PPP1R9A: variants seen among roughly 807,000 people sequenced by gnomAD.
PPP1R9A encodes protein phosphatase 1 regulatory subunit 9A.
A neutral mutation model predicts 141.9 loss-of-function variants in PPP1R9A; 59 were observed. That is an observed-to-expected ratio of 0.42 (90% CI 0.34 to 0.52). The LOEUF (loss-of-function observed/expected upper bound fraction) is 0.52. PPP1R9A is among the 20% of genes least tolerant of loss of function. The pLI is 0.10. For missense variants in PPP1R9A, 1,444 were observed against 1,611.9 expected, an observed-to-expected ratio of 0.90 and a Z score of 1.78; for synonymous variants, 500 against 569.7, an observed-to-expected ratio of 0.88 and a Z score of 1.74.
At chr7:95,220,499 AG>A (rs1794265344) in intron 7 of PPP1R9A, among the ~76,000 whole-genome samples, 1 of 152,124 alleles carries the variant, frequency 6.6e-6, no homozygotes, top group African/African-American at 2.4e-5. Context: ...AGGGTCATTT[AG>A]GCCCCAGCTG....
At chr7:95,054,463 G>T (rs73218115) in intron 2 of PPP1R9A, among the ~76,000 whole-genome samples, 1,565 of 152,088 alleles carry the variant, frequency 0.01, 18 homozygotes, top group Non-Finnish European at 0.015. Context: ...ACCGTACATT[G>T]TCTGGAACTA....
At chr7:95,020,883 A>G (rs927044475) in intron 2 of PPP1R9A, among the ~76,000 whole-genome samples, 1 of 152,174 alleles carries the variant, frequency 6.6e-6, no homozygotes, top group Non-Finnish European at 1.5e-5. Context: ...ATTGCTGGGC[A>G]TTTGGGTTGG....
At chr7:95,227,620 T>C (rs1795324812) in intron 8 of PPP1R9A, among the ~76,000 whole-genome samples, 1 of 152,168 alleles carries the variant, frequency 6.6e-6, no homozygotes, top group African/African-American at 2.4e-5. Flanking sequence ...ACAGCAAAGT[T>C]GAGTAGTTGC....
chr7:95,240,106 G>A (rs2152985268), intron 8 of PPP1R9A, among the ~76,000 whole-genome samples: 1 of 151,994 alleles, frequency 6.6e-6, no homozygotes, highest in African/African-American at 2.4e-5. Context: ...AGTATTTGTG[G>A]AGGATATAGT....
At chr7:95,057,670 C>G (rs1171991076) in intron 2 of PPP1R9A, among the ~76,000 whole-genome samples, 1 of 152,120 alleles carries the variant, frequency 6.6e-6, no homozygotes, top group Non-Finnish European at 1.5e-5. Context: ...AAATTCCTCT[C>G]AGATCTCATT....
chr7:94,972,547 G>A (rs1169381424), intron 2 of PPP1R9A, among the ~76,000 whole-genome samples: 5 of 152,068 alleles, frequency 3.3e-5, no homozygotes, highest in Admixed American at 3.3e-4. Context: ...AAGTAGCTAA[G>A]CATTATCCCG....
At chr7:95,182,716 A>G (rs1034632165) in intron 5 of PPP1R9A, among the ~76,000 whole-genome samples, 10 of 152,210 alleles carry the variant, frequency 6.6e-5, no homozygotes, top group African/African-American at 2.4e-4. Context: ...CGCTTGCCCT[A>G]AGATGAGAGA....
chr7:95,025,890 C>T (rs570680498), intron 2 of PPP1R9A, among the ~76,000 whole-genome samples: 1 of 152,220 alleles, frequency 6.6e-6, no homozygotes, highest in African/African-American at 2.4e-5. Flanking sequence ...GTGTATAATT[C>T]ACGAAGTTCT....
rs781600474 is a variant in PPP1R9A at position 95,273,917 on chromosome 7, A to G, written c.3143A>G (p.Lys1048Arg). 1.1e-5 allele frequency: 17 copies of G among 1,503,800 alleles called. No individual in the cohort carries two copies. The East Asian group carries it at 1.6e-4, about 14-fold the overall frequency. The allele number at this position is 1,503,800 out of a possible 1,614,324, so 93.2% of individuals were successfully genotyped here. ...LREKDDAKDP[K>R]SLRASSSLAV... ...ATCCTAGATGATGCCAAAGATCCCAAATCACTAAGGGCATCCAGTTCATTG... is the reference window on the plus strand; with the variant it reads ...ATCCTAGATGATGCCAAAGATCCCAGATCACTAAGGGCATCCAGTTCATTG... The change falls in exon 15 of 20, where the codon AAA becomes AGA. Residue 1048 changes from lysine to arginine, a missense_variant. Around this residue, in one of 5 missense-constraint regions of PPP1R9A, gnomAD observed 459 missense variants for 513.8 expected, o/e 0.89. Transcript: ENST00000433360.
chr7:95,292,187 T>C lies in PPP1R9A; in HGVS notation c.*1884T>C, dbSNP rs1458384818. ...ATGATAATGAAACTGCCGTATTGGA[T>C]ACTCTATTAATGTCTTGAGATGTCT... On this transcript the variant is annotated 3_prime_UTR_variant, in exon 20 of 20. Transcript: ENST00000433360. 6.6e-6 allele frequency: 1 copy of C among 152,284 alleles called. No homozygotes were observed. Among genetic ancestry groups the C allele is most frequent in the Non-Finnish European group, 1.5e-5 (1 of 68,034 alleles). The allele number at this position is 152,284 out of a possible 1,614,324, so 9.4% of individuals were successfully genotyped here.
intron 2 of PPP1R9A, among the ~76,000 whole-genome samples, chr7:95,064,507 A>G (rs1812689078): frequency 6.6e-6 from 1 of 152,238 alleles, no homozygotes; most frequent in African/African-American, 2.4e-5. Flanking sequence ...AAAGTATGGC[A>G]CTAAGTGGAG....
At chr7:94,916,877 C>T (rs554073984) in intron 2 of PPP1R9A, among the ~76,000 whole-genome samples, 62 of 152,178 alleles carry the variant, frequency 4.1e-4, no homozygotes, top group Middle Eastern at 6.8e-3. Context: ...TGCAGTGGCA[C>T]GATCTCAGCT....
At chr7:94,947,452 G>GTC (rs1162805240) in intron 2 of PPP1R9A, among the ~76,000 whole-genome samples, 7 of 152,154 alleles carry the variant, frequency 4.6e-5, no homozygotes, top group Admixed American at 2.6e-4. Context: ...GAGCAGAGCC[G>GTC]TATGTGGCAT....
intron 2 of PPP1R9A, among the ~76,000 whole-genome samples, chr7:95,076,608 A>C (rs1156302610): frequency 6.6e-6 from 1 of 152,096 alleles, no homozygotes; most frequent in Non-Finnish European, 1.5e-5. Context: ...TTTATTAAAA[A>C]ATTTTTAGTT....
chr7:95,126,855 C>T (rs956651133), intron 4 of PPP1R9A, among the ~76,000 whole-genome samples: 6 of 152,076 alleles, frequency 3.9e-5, no homozygotes, highest in African/African-American at 1.2e-4. Context: ...AAATTTTTCC[C>T]GTCACAGTAA....
Position 95,035,561 on chromosome 7 carries a change from C to G in PPP1R9A, c.1396-75698C>G, listed in dbSNP as rs574061191. On this transcript the variant is annotated intron_variant, in intron 2 of 19. Coordinates refer to ENST00000433360, the MANE Select transcript of PPP1R9A (RefSeq NM_001166160.2). ...TGGTTTTGGAATCAAGAACCAAAAT[C>G]TGAATATAGTTCACTATTCATATAA... is the stretch of plus-strand genomic sequence containing the variant. Among the ~76,000 whole-genome samples the G allele has an allele frequency of 7.5e-4, 114 of 152,270 alleles. 1 individual carries two copies. Among genetic ancestry groups the G allele is most frequent in the South Asian group, 2.7e-3 (13 of 4,832 alleles).
chr7:95,022,839 G>T (rs1278847524), intron 2 of PPP1R9A, among the ~76,000 whole-genome samples: 3 of 152,098 alleles, frequency 2.0e-5, no homozygotes, highest in Non-Finnish European at 2.9e-5. Context: ...CAACTTGATC[G>T]TGGTGGATAA....
At chr7:95,026,450 G>A (rs968182350) in intron 2 of PPP1R9A, among the ~76,000 whole-genome samples, 4 of 152,180 alleles carry the variant, frequency 2.6e-5, no homozygotes, top group Non-Finnish European at 5.9e-5. Context: ...TGCTCTGGAA[G>A]CTTTGTCCTA....
At chr7:95,113,226 CA>C (rs1820879973) in intron 3 of PPP1R9A, among the ~76,000 whole-genome samples, 1 of 150,060 alleles carries the variant, frequency 6.7e-6, no homozygotes, top group South Asian at 2.2e-4. Flanking sequence ...AGAGATATTC[CA>C]AAAAGAATTC....
Sources: allele counts gnomAD v4.1 joint callset (sites outside exome capture counted in the v4.1 genomes callset), GRCh38; gene constraint gnomAD v4.1.1; regional missense constraint gnomAD v4.1.1; transcripts MANE v1.5; gene names NCBI Gene and HGNC (gene_info 2026-07-23, HGNC 2026-07-21).